Variants in HS2ST1 observed in about 807,000 individuals in gnomAD.
The protein encoded by HS2ST1 is heparan sulfate 2-O-sulfotransferase 1, also known as 2-O-sulfotransferase.
Under a neutral mutation model 42.9 loss-of-function variants are expected in HS2ST1, and 18 were observed. That is an observed-to-expected ratio of 0.42 (90% CI 0.29 to 0.62). The LOEUF (loss-of-function observed/expected upper bound fraction) is 0.62. Among genes scored for constraint, HS2ST1 ranks in the 20% least tolerant of loss-of-function variants. The probability of loss-of-function intolerance (pLI) is 0.21; values close to 1 mark genes in which losing one functional copy is unlikely to be tolerated. For synonymous variants in HS2ST1, 146 were observed against 152.9 expected (o/e 0.95, Z 0.33); for missense variants, 334 against 433.8 (o/e 0.77, Z 2.04).
chr1:87,049,237 C>T (rs1650772969), intron 1 of HS2ST1, among the ~76,000 whole-genome samples: 2 of 151,840 alleles, frequency 1.3e-5, no homozygotes, highest in South Asian at 4.1e-4. Flanking sequence ...GTAGTATTCT[C>T]TCCTTTGTCA....
chr1:87,017,645 A>C (rs1649799402), intron 1 of HS2ST1, among the ~76,000 whole-genome samples: 1 of 148,548 alleles, frequency 6.7e-6, no homozygotes, highest in Non-Finnish European at 1.5e-5. Flanking sequence ...TTGGCTGAAA[A>C]CCCCCCAGTT....
intron 1 of HS2ST1, among the ~76,000 whole-genome samples, chr1:86,939,229 A>G (rs1193897602): frequency 1.3e-5 from 2 of 152,232 alleles, no homozygotes; most frequent in African/African-American, 2.4e-5. Context: ...CAAATGTTTC[A>G]TATCACACTT....
rs554955112 is a variant in HS2ST1 at position 87,032,460 on chromosome 1, A to G, written c.125-40474A>G. ...TGATTTAATACAAAGTTCATTCTGA[A>G]CCCCCACTGTCAAAATAAATTAAGG... On this transcript the variant is annotated intron_variant, in intron 1 of 6. Coordinates refer to ENST00000370550, the MANE Select transcript of HS2ST1 (RefSeq NM_012262.4). Among the ~76,000 whole-genome samples the G allele has an allele frequency of 2.2e-3, 340 of 152,102 alleles. 3 individuals are homozygous for G. Among genetic ancestry groups the G allele is most frequent in the Non-Finnish European group, 3.9e-3 (265 of 67,938 alleles).
chr1:87,082,338 T>A (rs888446928), intron 2 of HS2ST1, among the ~76,000 whole-genome samples: 6 of 152,222 alleles, frequency 3.9e-5, no homozygotes, highest in Non-Finnish European at 8.8e-5. Context: ...GACTCTTACT[T>A]CTGCCCACGT....
At chr1:87,055,900 G>A (rs1650957176) in intron 1 of HS2ST1, among the ~76,000 whole-genome samples, 1 of 152,166 alleles carries the variant, frequency 6.6e-6, no homozygotes, top group South Asian at 2.1e-4. Context: ...TTTTGTGTAT[G>A]TCCTTAATAT....
intron 1 of HS2ST1, among the ~76,000 whole-genome samples, chr1:87,060,905 A>G (rs1169174904): frequency 1.3e-5 from 2 of 152,120 alleles, no homozygotes; most frequent in African/African-American, 2.4e-5. Context: ...AATTACTTTA[A>G]TGTTTTTATC....
chr1:87,061,586 G>T (rs1651123635), intron 1 of HS2ST1, among the ~76,000 whole-genome samples: 1 of 151,842 alleles, frequency 6.6e-6, no homozygotes, highest in Admixed American at 6.6e-5. Context: ...CCTTTCTATA[G>T]TTGCATAATA....
At chr1:86,962,820 TAC>T (rs1005971400) in intron 1 of HS2ST1, among the ~76,000 whole-genome samples, 2 of 152,178 alleles carry the variant, frequency 1.3e-5, no homozygotes, top group East Asian at 1.9e-4. Flanking sequence ...GATTGGAACA[TAC>T]AGTTTTATTT....
intron 1 of HS2ST1, among the ~76,000 whole-genome samples, chr1:87,059,338 T>A: frequency 6.6e-6 from 1 of 152,236 alleles, no homozygotes; most frequent in East Asian, 1.9e-4. Context: ...AAGGCTGAAC[T>A]TACTCAGTGT....
intron 4 of HS2ST1, among the ~76,000 whole-genome samples, chr1:87,095,353 G>C (rs1652036042): frequency 6.6e-6 from 1 of 152,100 alleles, no homozygotes; most frequent in Non-Finnish European, 1.5e-5. Flanking sequence ...ATTTTGAGGT[G>C]TATTAAACAG....
intron 1 of HS2ST1, among the ~76,000 whole-genome samples, chr1:86,995,253 A>G (rs895939073): frequency 6.6e-6 from 1 of 152,182 alleles, no homozygotes; most frequent in Non-Finnish European, 1.5e-5. Context: ...ATTTAAGTCT[A>G]ATGTAAGCTA....
intron 1 of HS2ST1, among the ~76,000 whole-genome samples, chr1:87,007,207 G>T (rs1303700759): frequency 6.6e-6 from 1 of 151,610 alleles, no homozygotes; most frequent in Non-Finnish European, 1.5e-5. Flanking sequence ...ACTTGTTCTA[G>T]TTTTTTTTAA....
chr1:87,089,276 G>A (rs568056416), intron 3 of HS2ST1, among the ~76,000 whole-genome samples: 46 of 152,160 alleles, frequency 3.0e-4, no homozygotes, highest in African/African-American at 1.1e-3. Flanking sequence ...TGGCAAGAAT[G>A]AAATTCCTAA....
At chr1:87,068,684 T>C (rs1327084206) in intron 1 of HS2ST1, among the ~76,000 whole-genome samples, 1 of 152,134 alleles carries the variant, frequency 6.6e-6, no homozygotes, top group Non-Finnish European at 1.5e-5. Context: ...ATTAATAGCT[T>C]ACTGTTGGCC....
intron 4 of HS2ST1, 106 bp from the exon 5 acceptor site, chr1:87,097,732 C>T: frequency 7.8e-7 from 1 of 1,281,380 alleles, no homozygotes; most frequent in Non-Finnish European, 1.1e-6. Flanking sequence ...AAGAGTGTCT[C>T]ATCCCACCTA....
intron 5 of HS2ST1, among the ~76,000 whole-genome samples, chr1:87,102,728 A>G (rs1359801326): frequency 6.6e-6 from 1 of 152,190 alleles, no homozygotes; most frequent in Non-Finnish European, 1.5e-5. Flanking sequence ...TTAGAAACCA[A>G]TTAATCACTG....
At chr1:86,955,168 T>A (rs531130709) in intron 1 of HS2ST1, among the ~76,000 whole-genome samples, 1 of 152,298 alleles carries the variant, frequency 6.6e-6, no homozygotes, top group East Asian at 1.9e-4. Context: ...ACAAAAATAA[T>A]TTCTTAGAGG....
chr1:86,932,189 A>G (rs1660557856), intron 1 of HS2ST1: 1 of 152,190 alleles, frequency 6.6e-6, no homozygotes, highest in Admixed American at 6.5e-5. Flanking sequence ...TTACCAAAGC[A>G]CGTATTAAAG....
intron 1 of HS2ST1, among the ~76,000 whole-genome samples, chr1:86,979,003 A>T (rs1411131080): frequency 6.6e-6 from 1 of 151,392 alleles, no homozygotes; most frequent in African/African-American, 2.4e-5. Flanking sequence ...CTGGGATTAC[A>T]GGCACGCGCC....
Sources: gnomAD v4.1 joint callset for allele counts (sites outside exome capture counted in the v4.1 genomes callset) on GRCh38, gnomAD v4.1.1 for gene constraint, MANE v1.5 for transcripts, NCBI Gene and HGNC (gene_info 2026-07-23, HGNC 2026-07-21) for gene names.